The following GPC5 variants were observed in gnomAD, a reference collection of about 807,000 sequenced individuals.
GPC5 encodes the protein glypican-5.
Under a neutral mutation model 53.9 loss-of-function variants are expected in GPC5, and 47 were observed. The observed-to-expected ratio is 0.87, with a 90% CI of 0.69 to 1.11. The LOEUF (loss-of-function observed/expected upper bound fraction) is 1.11, where lower values mean the gene tolerates loss of function less well. GPC5 is among the 50% of genes most tolerant of loss of function. The probability of loss-of-function intolerance (pLI) is 0.00; values close to 1 mark genes in which losing one functional copy is unlikely to be tolerated. For synonymous variants in GPC5, 286 were observed against 263.3 expected (o/e 1.09, Z -0.84); for missense variants, 748 against 713.1 (o/e 1.05, Z -0.56).
At position 92,147,823 on chromosome 13, in the gene GPC5, G is replaced by A. The variant is rs139055619; in HGVS notation, c.1561+2834G>A. The stretch of plus-strand genomic sequence containing the variant: ...GTGGTTAGAAAACCACTGCGGGATA[G>A]CATGCTGAAGTAAAGAGGGACGAGG... On this transcript the variant is annotated intron_variant, in intron 7 of 7. Coordinates refer to ENST00000377067, the MANE Select transcript of GPC5 (RefSeq NM_004466.6). Among the ~76,000 whole-genome samples, 255 of 152,180 alleles carry A rather than the reference G, an allele frequency of 1.7e-3. 1 individual carries two copies. The highest frequency in any genetic ancestry group is 5.7e-3 in the African/African-American group (238 of 41,544).
At chr13:92,066,617 T>G (rs1389091570) in intron 6 of GPC5, among the ~76,000 whole-genome samples, 1 of 152,078 alleles carries the variant, frequency 6.6e-6, no homozygotes, top group Non-Finnish European at 1.5e-5. Flanking sequence ...TAAATCCTGG[T>G]AGACGTGCAA....
At chr13:92,177,912 C>T (rs535976630) in intron 7 of GPC5, among the ~76,000 whole-genome samples, 27 of 152,194 alleles carry the variant, frequency 1.8e-4, no homozygotes, top group African/African-American at 6.0e-4. Context: ...ATTAAAGATG[C>T]CCCAGTATTC....
intron 7 of GPC5, among the ~76,000 whole-genome samples, chr13:92,772,645 A>C (rs960572102): frequency 6.6e-6 from 1 of 152,114 alleles, no homozygotes; most frequent in Non-Finnish European, 1.5e-5. Context: ...TAGTTTGCTT[A>C]TTCGTTGATT....
chr13:92,810,733 G>A (rs1373580224), intron 7 of GPC5, among the ~76,000 whole-genome samples: 1 of 151,704 alleles, frequency 6.6e-6, no homozygotes, highest in Non-Finnish European at 1.5e-5. Context: ...TTATTTATTT[G>A]TTTTTGAGAC....
intron 5 of GPC5, among the ~76,000 whole-genome samples, chr13:91,886,107 A>T (rs1169632781): frequency 6.6e-6 from 1 of 152,190 alleles, no homozygotes; most frequent in Non-Finnish European, 1.5e-5. Flanking sequence ...TTATAAAGAA[A>T]AAAAGGTTTA....
intron 7 of GPC5, among the ~76,000 whole-genome samples, chr13:92,286,917 G>A (rs2042959556): frequency 6.6e-6 from 1 of 151,974 alleles, no homozygotes; most frequent in African/African-American, 2.4e-5. Flanking sequence ...AAAAAAATAT[G>A]GCATGAAAAT....
chr13:91,699,148 C>G (rs1014274680), intron 3 of GPC5, among the ~76,000 whole-genome samples: 3 of 152,166 alleles, frequency 2.0e-5, no homozygotes, highest in Non-Finnish European at 4.4e-5. Context: ...GAGCATGACT[C>G]AGATCAGAAT....
At chr13:92,072,424 G>A (rs1199913365) in intron 6 of GPC5, among the ~76,000 whole-genome samples, 2 of 151,462 alleles carry the variant, frequency 1.3e-5, no homozygotes, top group African/African-American at 4.8e-5. Context: ...GCACCACCAT[G>A]CCCAGCTAAT....
At chr13:91,474,695 T>A (rs1882831559) in intron 2 of GPC5, among the ~76,000 whole-genome samples, 1 of 152,132 alleles carries the variant, frequency 6.6e-6, no homozygotes, top group African/African-American at 2.4e-5. Flanking sequence ...AGAAGAATGG[T>A]TTCCTAGCAT....
intron 7 of GPC5, chr13:92,447,888 A>G (rs1038677437): frequency 1.3e-5 from 2 of 152,166 alleles, no homozygotes; most frequent in East Asian, 1.9e-4. Context: ...ACAATTAACT[A>G]TGATTTATCT....
chr13:91,589,871 C>T (rs1027054987), intron 2 of GPC5, among the ~76,000 whole-genome samples: 3 of 152,046 alleles, frequency 2.0e-5, no homozygotes, highest in African/African-American at 7.2e-5. Flanking sequence ...TATATCTCTT[C>T]CTTGCTAAAT....
intron 7 of GPC5, among the ~76,000 whole-genome samples, chr13:92,382,559 C>G (rs919961703): frequency 1.9e-5 from 2 of 105,204 alleles, no homozygotes; most frequent in Admixed American, 1.8e-4. Context: ...CTCAAAACTT[C>G]TTTGACTGAA....
chr13:91,992,459 CT>C (rs34928600), intron 6 of GPC5, among the ~76,000 whole-genome samples: 73,372 of 135,634 alleles, frequency 0.54, 18,861 homozygotes, highest in East Asian at 0.7. Context: ...AAGCTATTTA[CT>C]TTTTTTTTTT....
At chr13:92,440,582 G>T (rs1877508752) in intron 7 of GPC5, among the ~76,000 whole-genome samples, 1 of 152,044 alleles carries the variant, frequency 6.6e-6, no homozygotes, top group Non-Finnish European at 1.5e-5. Flanking sequence ...ATTCTTTTTG[G>T]TAGAACAATT....
chr13:92,321,157 G>A (rs1322244524), intron 7 of GPC5, among the ~76,000 whole-genome samples: 1 of 152,060 alleles, frequency 6.6e-6, no homozygotes, highest in African/African-American at 2.4e-5. Flanking sequence ...AATCTTTGTA[G>A]ACAAATACAT....
intron 6 of GPC5, among the ~76,000 whole-genome samples, chr13:92,053,981 G>A (rs1344714441): frequency 1.3e-5 from 2 of 151,742 alleles, no homozygotes; most frequent in Non-Finnish European, 2.9e-5. Flanking sequence ...GCGATGAGCT[G>A]AGATCGCGCC....
At chr13:92,330,645 TA>T (rs2043282066) in intron 7 of GPC5, among the ~76,000 whole-genome samples, 2 of 152,218 alleles carry the variant, frequency 1.3e-5, no homozygotes, top group African/African-American at 2.4e-5. Flanking sequence ...TGGATTTTAT[TA>T]AAAACATATT....
At chr13:91,812,935 C>T (rs2038336590) in intron 5 of GPC5, among the ~76,000 whole-genome samples, 1 of 152,198 alleles carries the variant, frequency 6.6e-6, no homozygotes, top group South Asian at 2.1e-4. Flanking sequence ...TGTCAAGAAA[C>T]ACAGAGCCCA....
intron 6 of GPC5, among the ~76,000 whole-genome samples, chr13:91,911,412 C>G (rs2039609161): frequency 6.6e-6 from 1 of 151,986 alleles, no homozygotes; most frequent in South Asian, 2.1e-4. Context: ...GGCATGGTGG[C>G]TCACACCTGT....
Sources: allele counts gnomAD v4.1 joint callset (sites outside exome capture counted in the v4.1 genomes callset), GRCh38; gene constraint gnomAD v4.1.1; transcripts MANE v1.5; gene names NCBI Gene and HGNC (gene_info 2026-07-23, HGNC 2026-07-21).